MYOF: variants seen among roughly 807,000 people sequenced by gnomAD.
The protein encoded by MYOF is myoferlin.
In MYOF, 244 loss-of-function variants were observed where a neutral mutation model predicts 284.2. The ratio of observed to expected loss-of-function variants is 0.86; its 90% confidence interval spans 0.77 to 0.95. The LOEUF (loss-of-function observed/expected upper bound fraction) is 0.95, where lower values mean the gene tolerates loss of function less well. Ranked by LOEUF, MYOF falls within the 40% of genes least tolerant of loss-of-function variation. The pLI is 0.00. For missense variants in MYOF, 2,496 were observed against 2,560.6 expected (o/e 0.97, Z 0.54); for synonymous variants, 904 against 919.7 (o/e 0.98, Z 0.31).
At chr10:93,440,198 G>A (rs1240502468) in intron 3 of MYOF, among the ~76,000 whole-genome samples, 1 of 152,108 alleles carries the variant, frequency 6.6e-6, no homozygotes, top group African/African-American at 2.4e-5. Context: ...TGGATCACGA[G>A]GTCAAGAGAT....
intron 49 of MYOF, among the ~76,000 whole-genome samples, chr10:93,318,773 T>A (rs978282705): frequency 1.3e-5 from 2 of 151,962 alleles, no homozygotes; most frequent in Admixed American, 6.6e-5. Flanking sequence ...AAACAAAAAA[T>A]AGTGCTTACT....
In MYOF at chr10:93,443,472, CTG is replaced by C. The variant is rs5787060; in HGVS notation, c.236+8576_236+8577del. On this transcript the variant is annotated intron_variant, in intron 3 of 53. Transcript: ENST00000359263. ...TTCTTCTCTCTCTCTCTCTCTCTCT[CTG>C]TGTGTGTGTGTGTGTGTGTGTGTGT... Among the ~76,000 whole-genome samples the C allele has an allele frequency of 5.7e-3, 777 of 137,126 alleles. 3 individuals carry two copies. Among genetic ancestry groups the C allele is most frequent in the Middle Eastern group, 0.011 (3 of 264 alleles). 90.0% of individuals were successfully genotyped at this position (137,126 alleles called of 152,430 possible). A position where few individuals can be genotyped will look rare whatever the true frequency, so the allele number is the denominator to read the frequency against.
At chr10:93,419,616 A>G (rs1428852677) in intron 5 of MYOF, among the ~76,000 whole-genome samples, 3 of 152,244 alleles carry the variant, frequency 2.0e-5, no homozygotes, top group African/African-American at 4.8e-5. Context: ...GAGTTGCAAT[A>G]CACAGCTGAA....
chr10:93,352,369 T>A (rs1380651827), intron 32 of MYOF, among the ~76,000 whole-genome samples: 1 of 152,228 alleles, frequency 6.6e-6, no homozygotes, highest in Non-Finnish European at 1.5e-5. Flanking sequence ...GTTTTTATTA[T>A]AGTTGTTTCT....
chr10:93,373,864 AC>A (rs1308135736), intron 23 of MYOF, among the ~76,000 whole-genome samples: 1 of 151,764 alleles, frequency 6.6e-6, no homozygotes, highest in African/African-American at 2.4e-5. Context: ...CTTTACACCT[AC>A]CATTTTTTTT....
At chr10:93,450,286 G>A (rs961655385) in intron 3 of MYOF, among the ~76,000 whole-genome samples, 2 of 152,224 alleles carry the variant, frequency 1.3e-5, no homozygotes, top group Non-Finnish European at 2.9e-5. Context: ...CAGCTACTCA[G>A]GAGGCTGAGG....
At chr10:93,393,324 A>T (rs1402558311) in intron 16 of MYOF, among the ~76,000 whole-genome samples, 3 of 152,210 alleles carry the variant, frequency 2.0e-5, no homozygotes, top group African/African-American at 7.2e-5. Flanking sequence ...AGAAAATCCA[A>T]GTAAATGTGG....
intron 37 of MYOF, 43 bp downstream of exon 37, chr10:93,347,574 A>G (rs1213060923): frequency 3.1e-5 from 45 of 1,465,292 alleles, no homozygotes; most frequent in Admixed American, 1.2e-4. Flanking sequence ...AAAAAAAAAA[A>G]AAAAGAAAAG....
In MYOF at chr10:93,337,933, GA is replaced by G. The variant is rs746243143; in HGVS notation, c.4339-21del. On this transcript the variant is annotated intron_variant, in intron 39 of 53. Transcript: ENST00000359263. ...TTCCTCCTAAAGACATGCCAAAATG[GA>G]AAAATCTTTAGTGATGTCCTGGATT... is the stretch of plus-strand genomic sequence containing the variant. 1.3e-6 allele frequency: 2 copies of G among 1,579,802 alleles called. No individual in the cohort carries two copies. Among genetic ancestry groups the G allele is most frequent in the Non-Finnish European group, 8.7e-7 (1 of 1,150,446 alleles).
chr10:93,340,896 T>C (rs1363027599), intron 38 of MYOF, among the ~76,000 whole-genome samples: 2 of 152,164 alleles, frequency 1.3e-5, no homozygotes, highest in Admixed American at 1.3e-4. Flanking sequence ...CAGCAGCAGT[T>C]TGAAGACATG....
At chr10:93,383,330 A>G (rs968868570) in intron 19 of MYOF, among the ~76,000 whole-genome samples, 1 of 152,188 alleles carries the variant, frequency 6.6e-6, no homozygotes, top group Non-Finnish European at 1.5e-5. Context: ...ACATGGTATA[A>G]TAGAACCCTC....
chr10:93,320,314 TG>T (rs1330557527), intron 48 of MYOF, among the ~76,000 whole-genome samples: 2 of 152,222 alleles, frequency 1.3e-5, no homozygotes, highest in African/African-American at 4.8e-5. Context: ...GCTTCTATTT[TG>T]GGTACAATGA....
intron 5 of MYOF, among the ~76,000 whole-genome samples, chr10:93,422,595 G>A (rs1324643613): frequency 6.6e-5 from 10 of 152,082 alleles, no homozygotes; most frequent in Non-Finnish European, 8.8e-5. Flanking sequence ...TCAGGAGTTC[G>A]AGACCAGCCT....
chr10:93,461,157 C>T (rs1472235042), intron 1 of MYOF, among the ~76,000 whole-genome samples: 1 of 152,204 alleles, frequency 6.6e-6, no homozygotes, highest in South Asian at 2.1e-4. Flanking sequence ...TCATTCTCAT[C>T]CTGAAGTTTC....
At chr10:93,384,364 G>T (rs1846260657) in intron 19 of MYOF, among the ~76,000 whole-genome samples, 1 of 152,228 alleles carries the variant, frequency 6.6e-6, no homozygotes, top group Non-Finnish European at 1.5e-5. Flanking sequence ...ATTGGGCTGG[G>T]CGTGGTGGTT....
chr10:93,319,761 G>A (rs1361442766), intron 49 of MYOF, 111 bp downstream of exon 49: 3 of 1,439,056 alleles, frequency 2.1e-6, no homozygotes, highest in African/African-American at 1.4e-5. Context: ...TGCTGAGAAG[G>A]AGCCGGACTC....
intron 5 of MYOF, among the ~76,000 whole-genome samples, chr10:93,414,963 C>G (rs917824485): frequency 6.6e-6 from 1 of 152,152 alleles, no homozygotes; most frequent in South Asian, 2.1e-4. Flanking sequence ...AGGCTGGCCT[C>G]GAACTCCTGA....
intron 31 of MYOF, among the ~76,000 whole-genome samples, chr10:93,355,059 A>C (rs1000764018): frequency 6.6e-6 from 1 of 152,132 alleles, no homozygotes; most frequent in East Asian, 1.9e-4. Flanking sequence ...TTAAAATTTT[A>C]ATTTTGGGGG....
chr10:93,379,290 T>G (rs966821725), intron 21 of MYOF, among the ~76,000 whole-genome samples: 20 of 152,154 alleles, frequency 1.3e-4, no homozygotes, highest in African/African-American at 4.8e-4. Flanking sequence ...GCTATTGGAA[T>G]GAACCATTCT....
Sources: gnomAD v4.1 joint callset for allele counts (sites outside exome capture counted in the v4.1 genomes callset) on GRCh38, gnomAD v4.1.1 for gene constraint, MANE v1.5 for transcripts, NCBI Gene and HGNC (gene_info 2026-07-23, HGNC 2026-07-21) for gene names.